Variants in ZC3H13 observed in about 807,000 individuals in gnomAD.
ZC3H13 encodes zinc finger CCCH-type containing 13.
In ZC3H13, 64 loss-of-function variants were observed where a neutral mutation model predicts 204.1. That is an observed-to-expected ratio of 0.31 (90% CI 0.26 to 0.39). The LOEUF (loss-of-function observed/expected upper bound fraction) is 0.39, where lower values mean the gene tolerates loss of function less well. Ranked by LOEUF, ZC3H13 falls within the 10% of genes least tolerant of loss-of-function variation. The pLI, the probability that ZC3H13 is intolerant of heterozygous loss-of-function variation, is 1.00. For missense variants in ZC3H13, 1,833 were observed against 2,082.7 expected (o/e 0.88, Z 2.33); for synonymous variants, 667 against 693.7 (o/e 0.96, Z 0.60).
At position 45,963,659 on chromosome 13, in the gene ZC3H13, T is replaced by G; in HGVS notation, c.4675+183A>C. ...CAACTTTTCTGTGGGATAACTCTTC[T>G]TCTCAAAATAAATTTTAAAGAGAAA... On this transcript the variant is annotated intron_variant, in intron 17 of 18. Transcript: ENST00000679008. 3 of 1,424,478 alleles carry G rather than the reference T, an allele frequency of 2.1e-6. No homozygotes were observed. In the South Asian group the frequency reaches 4.6e-5, roughly 22 times the overall value. 88.2% of individuals were successfully genotyped at this position (1,424,478 alleles called of 1,614,324 possible).
chr13:45,960,160 T>C (rs1245320124), intron 17 of ZC3H13, among the ~76,000 whole-genome samples: 1 of 152,056 alleles, frequency 6.6e-6, no homozygotes, highest in African/African-American at 2.4e-5. Flanking sequence ...TTTCACCATG[T>C]TGGCCAGGCT....
intron 4 of ZC3H13, 142 bp from the exon 5 acceptor site, chr13:46,020,699 G>GTAGA (rs1266796786): frequency 1.7e-6 from 1 of 584,420 alleles, no homozygotes; most frequent in Non-Finnish European, 2.9e-6. Context: ...TATCCACTAA[G>GTAGA]TAGAGAAAGT....
intron 7 of ZC3H13, among the ~76,000 whole-genome samples, chr13:46,005,439 A>G (rs528604548): frequency 7.2e-5 from 11 of 151,944 alleles, no homozygotes; most frequent in Non-Finnish European, 1.5e-4. Flanking sequence ...TTAAAGTAGT[A>G]CTCATTTTGC....
chr13:45,963,864 C>T lies in ZC3H13; in HGVS notation c.4653G>A (p.Gln1551=). Residue 1551 remains glutamine, a synonymous_variant, in exon 17 of 19, where the codon CAG becomes CAA. Transcript: ENST00000679008. The stretch of plus-strand genomic sequence containing the variant: ...TACCTTTGGGTTTTTCTAAAAGTCT[C>T]TGACATGTTTCTTTGACTTTGGCAA... ...ELFAKVKETC[Q]RLLEKPKDAD... 6.2e-7 allele frequency: 1 copy of T among 1,614,092 alleles called. No homozygotes were observed. Among genetic ancestry groups the T allele is most frequent in the Non-Finnish European group, 8.5e-7 (1 of 1,179,976 alleles).
At chr13:46,004,812 T>C (rs535872068) in intron 7 of ZC3H13, among the ~76,000 whole-genome samples, 1 of 152,338 alleles carries the variant, frequency 6.6e-6, no homozygotes, top group East Asian at 1.9e-4. Context: ...TAAAATTTTG[T>C]AATTTTGCCT....
chr13:46,003,554 T>G (rs2040905984), intron 7 of ZC3H13, among the ~76,000 whole-genome samples: 1 of 152,144 alleles, frequency 6.6e-6, no homozygotes, highest in Admixed American at 6.5e-5. Flanking sequence ...ATTATATAAC[T>G]TTAAAGGGGC....
chr13:46,042,989 C>T (rs2043691831), intron 3 of ZC3H13, among the ~76,000 whole-genome samples: 3 of 151,890 alleles, frequency 2.0e-5, no homozygotes, highest in South Asian at 2.1e-4. Context: ...AGTGGTAAGG[C>T]TTTATTATTT....
chr13:46,043,335 G>A (rs1184876569), intron 3 of ZC3H13, among the ~76,000 whole-genome samples: 1 of 151,858 alleles, frequency 6.6e-6, no homozygotes, highest in Non-Finnish European at 1.5e-5. Flanking sequence ...ATGTTTACAT[G>A]CACATGTAAT....
In ZC3H13 at chr13:46,042,217, C is replaced by T. The variant is rs199682940; in HGVS notation, c.286G>A (p.Val96Met). Reference protein sequence around the residue: ...RERMKNKRQDVDTEPQKRNTE... With the variant: ...RERMKNKRQDMDTEPQKRNTE... ...TTTCGTTTCTGGGGCTCAGTGTCCA[C>T]GTCTTGGCGCTTGTTCTTCATTCTT... The change falls in exon 4 of 19, where the codon GTG becomes ATG. Residue 96 changes from valine (V) to methionine (M), a missense_variant. Val to Met is a conservative substitution (Grantham distance 21, BLOSUM62 1). Coordinates refer to ENST00000679008, the MANE Select transcript of ZC3H13 (RefSeq NM_001330564.2). The T allele has an allele frequency of 1.5e-5, 25 of 1,613,526 alleles. No individual in the cohort carries two copies. The highest frequency in any genetic ancestry group is 4.4e-5 in the South Asian group (4 of 91,050).
chr13:45,955,890 C>A lies in ZC3H13; in HGVS notation c.*1237G>T, dbSNP rs984690407. 1 of 151,704 alleles carries A rather than the reference C, an allele frequency of 6.6e-6. No homozygotes were observed. Among genetic ancestry groups the A allele is most frequent in the African/African-American group, 2.4e-5 (1 of 41,414 alleles). The allele number at this position is 151,704 out of a possible 1,614,324, so 9.4% of individuals were successfully genotyped here. A position where few individuals can be genotyped will look rare whatever the true frequency, so the allele number is the denominator to read the frequency against. ...ACTGTCATTATGTTACCTATAGAGA[C>A]AAAACTACTAACACAAGTAATATGG... On this transcript the variant is annotated 3_prime_UTR_variant, in exon 19 of 19. Transcript: ENST00000679008.
chr13:45,972,806 T>A (rs1952694948), intron 12 of ZC3H13, among the ~76,000 whole-genome samples: 1 of 152,334 alleles, frequency 6.6e-6, no homozygotes, highest in South Asian at 2.1e-4. Flanking sequence ...AGTGACACTG[T>A]GCAAATGTGA....
At chr13:45,988,667 A>G (rs988050940) in intron 9 of ZC3H13, 120 bp downstream of exon 9, 2 of 1,144,998 alleles carry the variant, frequency 1.7e-6, no homozygotes, top group African/African-American at 3.1e-5. Context: ...TTGCCCTCAA[A>G]AATTCTAGTC....
chr13:45,963,526 A>T (rs1262122128), intron 17 of ZC3H13: 1 of 1,077,746 alleles, frequency 9.3e-7, no homozygotes, highest in East Asian at 7.9e-5. Context: ...GGCTCCAGCA[A>T]TCCTGCTGCC....
chr13:45,982,849 T>C (rs1953772358), intron 10 of ZC3H13, among the ~76,000 whole-genome samples: 1 of 152,158 alleles, frequency 6.6e-6, no homozygotes, highest in Non-Finnish European at 1.5e-5. Context: ...TTTTGGAGCA[T>C]TTCAGATTAG....
chr13:46,007,276 C>T (rs2041222671), intron 7 of ZC3H13, among the ~76,000 whole-genome samples: 1 of 152,136 alleles, frequency 6.6e-6, no homozygotes, highest in East Asian at 1.9e-4. Flanking sequence ...TGATGTATAC[C>T]ACCTCCAGGC....
intron 8 of ZC3H13, among the ~76,000 whole-genome samples, chr13:45,991,079 G>A (rs1475686306): frequency 6.6e-6 from 1 of 152,172 alleles, no homozygotes; most frequent in Non-Finnish European, 1.5e-5. Context: ...TGGGATTATA[G>A]GCATGAGCCA....
intron 4 of ZC3H13, among the ~76,000 whole-genome samples, chr13:46,028,992 GA>G (rs1346358446): frequency 6.6e-6 from 1 of 151,908 alleles, no homozygotes; most frequent in Admixed American, 6.6e-5. Context: ...ATTCAATAGA[GA>G]AAAATTAGCA....
intron 8 of ZC3H13, among the ~76,000 whole-genome samples, chr13:46,001,859 ATAGAG>A (rs2040769597): frequency 6.6e-6 from 1 of 152,122 alleles, no homozygotes; most frequent in African/African-American, 2.4e-5. Flanking sequence ...TGAGTAAAAT[ATAGAG>A]TATAGTCTAA....
At chr13:45,977,918 T>C (rs1953200666) in intron 11 of ZC3H13, among the ~76,000 whole-genome samples, 1 of 152,124 alleles carries the variant, frequency 6.6e-6, no homozygotes, top group Admixed American at 6.6e-5. Context: ...ACCTGGCCTA[T>C]AGTCTTTCAT....
Sources: gnomAD v4.1 joint callset for allele counts (sites outside exome capture counted in the v4.1 genomes callset) on GRCh38, gnomAD v4.1.1 for gene constraint, MANE v1.5 for transcripts, NCBI Gene and HGNC (gene_info 2026-07-23, HGNC 2026-07-21) for gene names.